Variants in KDM4C observed in about 807,000 individuals in gnomAD.
The protein encoded by KDM4C is lysine demethylase 4C, also known as lysine-specific demethylase 4C.
Under a neutral mutation model 129.3 loss-of-function variants are expected in KDM4C, and 81 were observed. The ratio of observed to expected loss-of-function variants is 0.63; its 90% CI spans 0.52 to 0.75. The LOEUF (loss-of-function observed/expected upper bound fraction) is 0.75. Ranked by LOEUF, KDM4C falls within the 30% of genes least tolerant of loss-of-function variation. The probability of loss-of-function intolerance (pLI) is 0.00; values close to 1 mark genes in which losing one functional copy is unlikely to be tolerated. For missense variants in KDM4C, 1,457 were observed against 1,304.0 expected, an observed-to-expected ratio of 1.12 and a Z score of -1.81; for synonymous variants, 573 against 456.1, an observed-to-expected ratio of 1.26 and a Z score of -3.26.
intron 15 of KDM4C, among the ~76,000 whole-genome samples, chr9:7,040,369 C>G (rs1389229253): frequency 2.0e-5 from 2 of 100,310 alleles, no homozygotes; most frequent in Admixed American, 1.0e-4. Context: ...CTACCCCACT[C>G]TGTGTGTGTG....
chr9:6,945,664 A>G (rs1826830594), intron 8 of KDM4C, among the ~76,000 whole-genome samples: 1 of 152,198 alleles, frequency 6.6e-6, no homozygotes, highest in African/African-American at 2.4e-5. Flanking sequence ...TATATTTTAG[A>G]TTTTAAATAT....
chr9:7,065,765 T>C (rs775460816), intron 17 of KDM4C, among the ~76,000 whole-genome samples: 1 of 152,224 alleles, frequency 6.6e-6, no homozygotes, highest in African/African-American at 2.4e-5. Context: ...GCTGGCCATT[T>C]GGTATGATTT....
At chr9:7,139,408 T>C (rs1470628141) in intron 19 of KDM4C, among the ~76,000 whole-genome samples, 1 of 152,228 alleles carries the variant, frequency 6.6e-6, no homozygotes, top group African/African-American at 2.4e-5. Flanking sequence ...TAAAAGAAAG[T>C]GACTGGCACA....
intron 1 of KDM4C, among the ~76,000 whole-genome samples, chr9:6,792,387 G>A (rs1284563365): frequency 2.0e-5 from 3 of 151,812 alleles, no homozygotes; most frequent in African/African-American, 4.8e-5. Flanking sequence ...TTTTTGAGAC[G>A]GAGTCTTACT....
chr9:6,722,806 TC>T (rs1263712775), intron 1 of KDM4C, among the ~76,000 whole-genome samples: 1 of 151,902 alleles, frequency 6.6e-6, no homozygotes, highest in African/African-American at 2.4e-5. Context: ...AGCCACCGCA[TC>T]CGGCCTACAA....
chr9:7,088,417 A>G (rs1002635736), intron 17 of KDM4C, among the ~76,000 whole-genome samples: 7 of 152,176 alleles, frequency 4.6e-5, no homozygotes, highest in African/African-American at 1.7e-4. Flanking sequence ...ACATTTTTCT[A>G]TACTAGTATT....
At chr9:6,915,526 C>A (rs1166334370) in intron 8 of KDM4C, among the ~76,000 whole-genome samples, 1 of 152,110 alleles carries the variant, frequency 6.6e-6, no homozygotes, top group Non-Finnish European at 1.5e-5. Context: ...AAGTCATTTT[C>A]CTAATTGTAT....
At chr9:7,043,909 A>G (rs941718479) in intron 15 of KDM4C, among the ~76,000 whole-genome samples, 1 of 151,972 alleles carries the variant, frequency 6.6e-6, no homozygotes, top group African/African-American at 2.4e-5. Context: ...ATCCTTTGCT[A>G]ATTTTCAAGA....
At chr9:6,770,866 C>T (rs1027445708) in intron 1 of KDM4C, among the ~76,000 whole-genome samples, 2 of 149,652 alleles carry the variant, frequency 1.3e-5, no homozygotes, top group Admixed American at 6.7e-5. Flanking sequence ...ACCTCTGCCT[C>T]CCCGGTTCAA....
chr9:6,862,682 C>T (rs917090671), intron 5 of KDM4C, among the ~76,000 whole-genome samples: 1 of 152,120 alleles, frequency 6.6e-6, no homozygotes, highest in African/African-American at 2.4e-5. Flanking sequence ...AGGCACGTGC[C>T]TGTAATCCCA....
chr9:7,155,176 A>C (rs777894407), intron 19 of KDM4C, among the ~76,000 whole-genome samples: 4 of 152,116 alleles, frequency 2.6e-5, no homozygotes, highest in Admixed American at 1.3e-4. Flanking sequence ...CAGGGTTGGG[A>C]ACACGCTTTG....
At chr9:6,827,187 C>G (rs888546470) in intron 4 of KDM4C, among the ~76,000 whole-genome samples, 1 of 152,238 alleles carries the variant, frequency 6.6e-6, no homozygotes, top group Non-Finnish European at 1.5e-5. Flanking sequence ...CGTTTATAAT[C>G]AATGTCTGCC....
At position 7,048,244 on chromosome 9, in the gene KDM4C, A is replaced by C. The variant is rs373974461; in HGVS notation, c.2316-848A>C. On this transcript the variant is annotated intron_variant, in intron 16 of 21. Transcript: ENST00000381309. The stretch of plus-strand genomic sequence containing the variant: ...AAGAAATAGTGTTTTCTGTGGAATG[A>C]TAGTATTTATTTCGATGTGGAAGAA... Among the ~76,000 whole-genome samples, 14 of 152,068 alleles carry C rather than the reference A, an allele frequency of 9.2e-5. No individual in the cohort carries two copies. In the East Asian group the frequency reaches 1.4e-3, roughly 15 times the overall value.
chr9:6,999,720 A>G (rs1820383079), intron 12 of KDM4C, among the ~76,000 whole-genome samples: 1 of 151,662 alleles, frequency 6.6e-6, no homozygotes, highest in Non-Finnish European at 1.5e-5. Flanking sequence ...GCTACTGGGT[A>G]CATGACTGTC....
At chr9:6,925,996 C>G (rs1266092772) in intron 8 of KDM4C, among the ~76,000 whole-genome samples, 1 of 152,130 alleles carries the variant, frequency 6.6e-6, no homozygotes, top group African/African-American at 2.4e-5. Flanking sequence ...GATTCCTCTT[C>G]CCTGGATTAC....
chr9:7,158,872 C>G (rs1403116821), intron 19 of KDM4C, among the ~76,000 whole-genome samples: 5 of 152,128 alleles, frequency 3.3e-5, no homozygotes, highest in African/African-American at 9.7e-5. Flanking sequence ...TGGTGCAGAG[C>G]TGAGTTCAAG....
At chr9:7,080,879 C>G (rs988332758) in intron 17 of KDM4C, among the ~76,000 whole-genome samples, 1 of 152,186 alleles carries the variant, frequency 6.6e-6, no homozygotes, top group Non-Finnish European at 1.5e-5. Context: ...CGTTCACTGA[C>G]CACTAGTTTA....
intron 1 of KDM4C, chr9:6,727,490 C>T (rs1817172576): frequency 6.7e-6 from 1 of 148,382 alleles, no homozygotes; most frequent in Admixed American, 7.0e-5. Context: ...GGCGCGGTGG[C>T]TCATGCCTGT....
intron 15 of KDM4C, among the ~76,000 whole-genome samples, chr9:7,029,728 C>T (rs1413049300): frequency 2.0e-5 from 3 of 152,054 alleles, no homozygotes; most frequent in Non-Finnish European, 4.4e-5. Flanking sequence ...GGACTGAGGG[C>T]TGTGGGATTT....
Sources: gnomAD v4.1 joint callset for allele counts (sites outside exome capture counted in the v4.1 genomes callset) on GRCh38, gnomAD v4.1.1 for gene constraint, MANE v1.5 for transcripts, NCBI Gene and HGNC (gene_info 2026-07-23, HGNC 2026-07-21) for gene names.